CELF2: variants seen among roughly 807,000 people sequenced by gnomAD.
The protein encoded by CELF2 is CUGBP Elav-like family member 2.
CELF2 carries 8 observed loss-of-function variants against 62.6 expected under a neutral mutation model. The observed-to-expected ratio is 0.13, with a 90% CI of 0.07 to 0.23. CELF2 has a LOEUF of 0.23. CELF2 is among the 10% of genes least tolerant of loss of function. The pLI is 1.00. For missense variants in CELF2, 333 were observed against 671.0 expected (o/e 0.50, Z 5.56); for synonymous variants, 258 against 250.0 (o/e 1.03, Z -0.30).
chr10:11,285,932 G>A lies in CELF2; in HGVS notation c.842-2486G>A. ...CATAATTTTTGTCCTAAAGGAACTT[G>A]GTATCTGGTTGGGAGGGCAAGAAAT... On this transcript the variant is annotated intron_variant, in intron 8 of 12. Coordinates refer to ENST00000633077, the MANE Select transcript of CELF2 (RefSeq NM_001326342.2). This position sits in a 1 kb window ranked among gnomAD's most constrained non-coding sequence, Gnocchi z 4.3. Among the ~76,000 whole-genome samples, 1 of 150,374 alleles carries A rather than the reference G, an allele frequency of 6.7e-6. No individual in the cohort carries two copies. The highest frequency in any genetic ancestry group is 2.4e-5 in the African/African-American group (1 of 41,020).
At chr10:10,839,304 T>C (rs776934448) in intron 1 of CELF2, among the ~76,000 whole-genome samples, 5 of 152,224 alleles carry the variant, frequency 3.3e-5, no homozygotes, top group Non-Finnish European at 7.3e-5. Flanking sequence ...TCTCTACATG[T>C]AACCCTCTAT....
intron 1 of CELF2, among the ~76,000 whole-genome samples, chr10:10,847,857 A>C (rs2059116576): frequency 6.6e-6 from 1 of 152,230 alleles, no homozygotes; most frequent in Non-Finnish European, 1.5e-5. Flanking sequence ...TTATCTGTGA[A>C]TGTGAAGATA....
chr10:10,504,250 G>A, the CELF2 span, among the ~76,000 whole-genome samples: 2 of 151,958 alleles, frequency 1.3e-5, no homozygotes, highest in East Asian at 1.9e-4. Context: ...CATTCTTTTA[G>A]GGTAAGTCTG....
At chr10:11,067,980 G>A (rs1010383823) in intron 1 of CELF2, among the ~76,000 whole-genome samples, 9 of 152,188 alleles carry the variant, frequency 5.9e-5, no homozygotes, top group African/African-American at 2.2e-4. Flanking sequence ...GGATCACACA[G>A]TAGGGGATGG....
At chr10:10,665,234 GA>G in the CELF2 span, among the ~76,000 whole-genome samples, 1 of 152,102 alleles carries the variant, frequency 6.6e-6, no homozygotes, top group Admixed American at 6.5e-5. Flanking sequence ...CCCACAGGTG[GA>G]AAAAAACATG....
chr10:10,767,950 C>G, the CELF2 span, among the ~76,000 whole-genome samples: 5 of 110,460 alleles, frequency 4.5e-5, no homozygotes, highest in Admixed American at 5.4e-4. Context: ...GAGCCGAGAT[C>G]GCGCCACTGC....
chr10:10,810,034 A>T (rs2131696165), intron 1 of CELF2, among the ~76,000 whole-genome samples: 1 of 152,318 alleles, frequency 6.6e-6, no homozygotes, highest in East Asian at 1.9e-4. Context: ...TAATTTACAT[A>T]AGTGCATATT....
chr10:10,486,801 AC>A, the CELF2 span, among the ~76,000 whole-genome samples: 2 of 152,126 alleles, frequency 1.3e-5, no homozygotes, highest in South Asian at 4.1e-4. Flanking sequence ...TGGAGTTTGT[AC>A]CCTAACTTAG....
chr10:11,285,899 G>T lies in CELF2; in HGVS notation c.842-2519G>T, dbSNP rs545361819. On this transcript the variant is annotated intron_variant, in intron 8 of 12. Transcript: ENST00000633077. This position sits in a 1 kb window ranked among gnomAD's most constrained non-coding sequence, Gnocchi z 4.3. ...TGTGTTTTTACATGGACTTGAAAAT[G>T]AGTAAGACATAATTTTTGTCCTAAA... 6.7e-6 allele frequency among the ~76,000 whole-genome samples: 1 copy of T among 149,564 alleles called. No homozygotes were observed. Among genetic ancestry groups the T allele is most frequent in the Non-Finnish European group, 1.5e-5 (1 of 67,500 alleles).
At chr10:10,911,723 G>A (rs2063829843) in intron 1 of CELF2, among the ~76,000 whole-genome samples, 1 of 152,228 alleles carries the variant, frequency 6.6e-6, no homozygotes, top group African/African-American at 2.4e-5. Context: ...CCGCCTCCTG[G>A]ACTTTATCTT....
At position 11,207,100 on chromosome 10, in the gene CELF2, C is replaced by T. The variant is rs1565299333; in HGVS notation, c.272-10325C>T. On this transcript the variant is annotated intron_variant, in intron 2 of 12. Coordinates refer to ENST00000633077, the MANE Select transcript of CELF2 (RefSeq NM_001326342.2). This position sits in a 1 kb window ranked among gnomAD's most constrained non-coding sequence, Gnocchi z 4.1. ...GAAAAGCACATTCCAGCAATTTTGCCCTTGTTACCTTTTCTATCTGTGTCG... is the reference window on the plus strand; with the variant it reads ...GAAAAGCACATTCCAGCAATTTTGCTCTTGTTACCTTTTCTATCTGTGTCG... 6.6e-6 allele frequency among the ~76,000 whole-genome samples: 1 copy of T among 152,168 alleles called. No homozygotes were observed.
In CELF2 at chr10:11,270,313, G is replaced by C. The variant is rs75350000; in HGVS notation, c.619-353G>C. 6.6e-6 allele frequency among the ~76,000 whole-genome samples: 1 copy of C among 152,140 alleles called. No individual in the cohort carries two copies. Among genetic ancestry groups the C allele is most frequent in the African/African-American group, 2.4e-5 (1 of 41,422 alleles). Reference sequence around the variant, plus strand: ...ACAAAGCCAAGTCTGTCTTTAAGACGAGCAGCCTGAGAAGCTCAATTAAAG... The same window carrying C: ...ACAAAGCCAAGTCTGTCTTTAAGACCAGCAGCCTGAGAAGCTCAATTAAAG... On this transcript the variant is annotated intron_variant, in intron 6 of 12. Coordinates refer to ENST00000633077, the MANE Select transcript of CELF2 (RefSeq NM_001326342.2). This position sits in a 1 kb window ranked among gnomAD's most constrained non-coding sequence, Gnocchi z 5.8.
chr10:10,919,711 A>C (rs1311105470), intron 1 of CELF2, among the ~76,000 whole-genome samples: 1 of 152,194 alleles, frequency 6.6e-6, no homozygotes, highest in African/African-American at 2.4e-5. Flanking sequence ...TTTGAACTTC[A>C]TTGTATTCAA....
rs181944480 is a variant in CELF2 at position 10,855,354 on chromosome 10, T to C, written c.53+56537T>C. Among the ~76,000 whole-genome samples the C allele has an allele frequency of 6.1e-3, 923 of 152,326 alleles. 23 individuals are homozygous for C. The highest frequency in any genetic ancestry group is 6.8e-3 in the Middle Eastern group (2 of 294). The stretch of plus-strand genomic sequence containing the variant: ...GACACTGCTGTCACCTAGGATGGGC[T>C]TCCTGCAGCTGACATGTGTACACAC... On this transcript the variant is annotated intron_variant, in intron 1 of 13. Transcript: ENST00000636488.
the CELF2 span, among the ~76,000 whole-genome samples, chr10:10,637,908 T>C: frequency 6.6e-6 from 1 of 152,154 alleles, no homozygotes; most frequent in Non-Finnish European, 1.5e-5. Context: ...ATTTACAAGG[T>C]TCAGTGATAG....
chr10:10,747,632 G>T, the CELF2 span, among the ~76,000 whole-genome samples: 1 of 152,062 alleles, frequency 6.6e-6, no homozygotes, highest in Admixed American at 6.5e-5. Context: ...ATAATCACAG[G>T]ATGTAAAAAA....
chr10:10,745,113 T>TAA, the CELF2 span, among the ~76,000 whole-genome samples: 5 of 128,218 alleles, frequency 3.9e-5, no homozygotes, highest in Admixed American at 2.3e-4. Flanking sequence ...CCATGCCACG[T>TAA]AAAAAAAAAA....
chr10:10,802,520 C>A (rs965504419), intron 1 of CELF2, among the ~76,000 whole-genome samples: 1 of 150,376 alleles, frequency 6.6e-6, no homozygotes, highest in Non-Finnish European at 1.5e-5. Flanking sequence ...ATGCTGAGTG[C>A]AACAAGATGA....
intron 4 of CELF2, among the ~76,000 whole-genome samples, chr10:11,251,915 C>T (rs943997328): frequency 2.0e-5 from 3 of 152,228 alleles, no homozygotes; most frequent in Non-Finnish European, 1.5e-5. Flanking sequence ...CAGGCCTGGG[C>T]TGTTTATACC....
Sources: gnomAD v4.1 joint callset for allele counts (sites outside exome capture counted in the v4.1 genomes callset) on GRCh38, gnomAD v4.1.1 for gene constraint, Gnocchi (gnomAD v3.1) non-coding constraint, MANE v1.5 for transcripts, NCBI Gene and HGNC (gene_info 2026-07-23, HGNC 2026-07-21) for gene names.